The following THRB variants were observed in gnomAD, a reference collection of about 807,000 sequenced individuals.
THRB encodes nuclear receptor subfamily 1 group A member 2.
THRB carries 12 observed loss-of-function variants against 47.8 expected under a neutral mutation model. That is an observed-to-expected ratio of 0.25 (90% confidence interval 0.16 to 0.41). THRB has a LOEUF of 0.41. THRB is among the 10% of genes least tolerant of loss of function. THRB has a pLI of 1.00. For missense variants in THRB, 348 were observed against 589.2 expected, an observed-to-expected ratio of 0.59 and a Z score of 4.24; for synonymous variants, 218 against 212.2, an observed-to-expected ratio of 1.03 and a Z score of -0.24.
At chr3:24,466,427 A>G (rs1194205409) in intron 1 of THRB, among the ~76,000 whole-genome samples, 1 of 152,030 alleles carries the variant, frequency 6.6e-6, no homozygotes. Context: ...TAGAAGACTT[A>G]TTTTCAAACT....
At chr3:24,405,243 C>A (rs990750055) in intron 1 of THRB, among the ~76,000 whole-genome samples, 27 of 151,930 alleles carry the variant, frequency 1.8e-4, no homozygotes, top group Admixed American at 5.9e-4. Context: ...TGTCACAGGT[C>A]TATTGCAGGC....
intron 8 of THRB, among the ~76,000 whole-genome samples, chr3:24,140,436 A>G (rs2035284222): frequency 6.6e-6 from 1 of 152,152 alleles, no homozygotes; most frequent in South Asian, 2.1e-4. Context: ...TGTCATGTAA[A>G]GGCTTTTTTA....
rs751478429 is a variant in THRB, at chr3:24,244,818, T to G, written c.-42-15817A>C. On this transcript the variant is annotated intron_variant, in intron 3 of 10. Coordinates refer to ENST00000646209, the MANE Select transcript of THRB (RefSeq NM_001354712.2). ...TGTTATGGTAATCTAATAACATATA[T>G]GGAACAATAACAGCACATTGCAATG... is the stretch of plus-strand genomic sequence containing the variant. Among the ~76,000 whole-genome samples, 130 of 152,190 alleles carry G rather than the reference T, an allele frequency of 8.5e-4. 1 individual carries two copies. The highest frequency in any genetic ancestry group is 1.5e-3 in the Non-Finnish European group (100 of 68,018).
chr3:24,486,932 A>G (rs991072268), intron 1 of THRB, among the ~76,000 whole-genome samples: 5 of 152,226 alleles, frequency 3.3e-5, no homozygotes, highest in African/African-American at 1.2e-4. Flanking sequence ...ATTGCAGTGA[A>G]GCCTAGGTAA....
intron 1 of THRB, chr3:24,486,578 G>C (rs1301284588): frequency 1.3e-5 from 2 of 152,164 alleles, no homozygotes. Flanking sequence ...CTAGTGCATG[G>C]CTTCACTTTA....
chr3:24,423,010 G>T (rs1311010833), intron 1 of THRB, among the ~76,000 whole-genome samples: 5 of 151,840 alleles, frequency 3.3e-5, no homozygotes, highest in African/African-American at 1.2e-4. Context: ...TGTGTAAAGG[G>T]CTGACTAACC....
intron 4 of THRB, among the ~76,000 whole-genome samples, chr3:24,217,366 A>G (rs1322457431): frequency 2.4e-4 from 37 of 152,204 alleles, no homozygotes; most frequent in Admixed American, 2.4e-3. Context: ...ATACATCTGT[A>G]TAGCGTGGGA....
intron 1 of THRB, among the ~76,000 whole-genome samples, chr3:24,401,154 T>C (rs2067365788): frequency 6.6e-6 from 1 of 152,066 alleles, no homozygotes; most frequent in Non-Finnish European, 1.5e-5. Flanking sequence ...AGTTTACACC[T>C]GGCCTCTAAA....
intron 3 of THRB, among the ~76,000 whole-genome samples, chr3:24,272,941 T>A (rs1559792915): frequency 1.3e-5 from 2 of 152,178 alleles, no homozygotes; most frequent in Non-Finnish European, 2.9e-5. Context: ...TTCAGTTTTT[T>A]AAAAAACAAA....
chr3:24,388,496 C>T (rs764987990), intron 1 of THRB, among the ~76,000 whole-genome samples: 2 of 152,138 alleles, frequency 1.3e-5, no homozygotes, highest in Non-Finnish European at 2.9e-5. Flanking sequence ...AAAGGTTGGT[C>T]CCTAGAACTG....
intron 4 of THRB, among the ~76,000 whole-genome samples, chr3:24,211,066 G>A (rs1355886147): frequency 6.6e-6 from 1 of 152,078 alleles, no homozygotes; most frequent in Non-Finnish European, 1.5e-5. Flanking sequence ...AGGTGTGGCG[G>A]TAGGTTGCCT....
chr3:24,299,802 T>TTTA (rs1363344985), intron 2 of THRB, among the ~76,000 whole-genome samples: 6 of 132,948 alleles, frequency 4.5e-5, no homozygotes, highest in African/African-American at 1.7e-4. Flanking sequence ...TTTTTTTTTT[T>TTTA]AGCAAACATA....
chr3:24,422,624 G>A (rs532203728), intron 1 of THRB, among the ~76,000 whole-genome samples: 9 of 151,998 alleles, frequency 5.9e-5, no homozygotes, highest in Non-Finnish European at 1.3e-4. Flanking sequence ...TGGCGAATGT[G>A]CATTCACTTT....
chr3:24,259,669 G>C (rs1232669178), intron 3 of THRB, among the ~76,000 whole-genome samples: 1 of 106,054 alleles, frequency 9.4e-6, no homozygotes, highest in African/African-American at 3.6e-5. Context: ...ACTCCTAAAA[G>C]TTATTTCCCA....
chr3:24,413,731 G>A (rs551240590), intron 1 of THRB, among the ~76,000 whole-genome samples: 8 of 151,446 alleles, frequency 5.3e-5, no homozygotes, highest in East Asian at 2.0e-4. Context: ...CCGACCCCAC[G>A]ACAGGCCCCA....
chr3:24,455,110 T>G (rs13067389), intron 1 of THRB: 1 of 69,708 alleles, frequency 1.4e-5, no homozygotes, highest in South Asian at 4.7e-4. Flanking sequence ...GACTTACTTT[T>G]TTTTTTTTTT....
intron 1 of THRB, among the ~76,000 whole-genome samples, chr3:24,447,338 T>A (rs1370430762): frequency 6.6e-6 from 1 of 152,184 alleles, no homozygotes; most frequent in Admixed American, 6.5e-5. Flanking sequence ...CTTAGCCATT[T>A]AAAAAAATTA....
At chr3:24,476,700 T>C (rs1695500808) in intron 1 of THRB, among the ~76,000 whole-genome samples, 1 of 152,220 alleles carries the variant, frequency 6.6e-6, no homozygotes, top group South Asian at 2.1e-4. Context: ...CTACATTTGT[T>C]GTTTTTCTCT....
intron 3 of THRB, among the ~76,000 whole-genome samples, chr3:24,278,408 G>C (rs181486950): frequency 6.6e-6 from 1 of 152,270 alleles, no homozygotes; most frequent in East Asian, 1.9e-4. Context: ...TATTCTATTT[G>C]TGTGGTCTGC....
Sources: allele counts gnomAD v4.1 joint callset (sites outside exome capture counted in the v4.1 genomes callset), GRCh38; gene constraint gnomAD v4.1.1; transcripts MANE v1.5; gene names NCBI Gene and HGNC (gene_info 2026-07-23, HGNC 2026-07-21).